Variants in TAF1A observed in about 807,000 individuals in gnomAD.
The protein encoded by TAF1A is TATA-box binding protein associated factor, RNA polymerase I subunit A, also known as TATA box-binding protein-associated factor RNA polymerase I subunit A.
A neutral mutation model predicts 61.6 loss-of-function variants in TAF1A; 42 were observed. That is an observed-to-expected ratio of 0.68 (90% CI 0.53 to 0.88). The LOEUF (loss-of-function observed/expected upper bound fraction) is 0.88. Among genes scored for constraint, TAF1A ranks in the 40% least tolerant of loss-of-function variants. The pLI is 0.00. For missense variants in TAF1A, 424 were observed against 518.7 expected, an observed-to-expected ratio of 0.82 and a Z score of 1.77; for synonymous variants, 179 against 177.7, an observed-to-expected ratio of 1.01 and a Z score of -0.06.
chr1:222,562,162 A>AT (rs1659940945), intron 9 of TAF1A, among the ~76,000 whole-genome samples: 1 of 152,180 alleles, frequency 6.6e-6, no homozygotes, highest in Admixed American at 6.6e-5. Context: ...TATTGTATAT[A>AT]TTTAAGGTAT....
At chr1:222,588,367 T>C in intron 2 of TAF1A, 76 bp downstream of exon 2, 10 of 1,516,528 alleles carry the variant, frequency 6.6e-6, no homozygotes, top group Non-Finnish European at 8.9e-6. Flanking sequence ...ACCAGTCTGG[T>C]TATTCATTTT....
downstream of TAF1A, among the ~76,000 whole-genome samples, chr1:222,554,978 A>C (rs1348416285): frequency 6.6e-6 from 1 of 152,228 alleles, no homozygotes; most frequent in Non-Finnish European, 1.5e-5. Flanking sequence ...TCCACTTTAA[A>C]ATGGGCAAAG....
intron 4 of TAF1A, among the ~76,000 whole-genome samples, chr1:222,578,886 C>A (rs1002844499): frequency 2.1e-4 from 32 of 152,302 alleles, no homozygotes; most frequent in Admixed American, 1.0e-3. Context: ...AATTATCACT[C>A]TCAGACTCTT....
rs1482931668 is a variant in TAF1A, at chr1:222,584,243, C to T, written c.176G>A (p.Ser59Asn). 25 of 1,612,140 alleles carry T rather than the reference C, an allele frequency of 1.6e-5. No individual in the cohort carries two copies. The highest frequency in any genetic ancestry group is 2.0e-5 in the Non-Finnish European group (24 of 1,179,530). The stretch of plus-strand genomic sequence containing the variant: ...CTTCAGCAGAGCTTCTTGGATAAAA[C>T]TTAAACAAGCACTTGTTGTCTGAGC... Reference protein sequence around the residue: ...DFAQTTSACLSFIQEALLKHQ... With the variant: ...DFAQTTSACLNFIQEALLKHQ... Residue 59 changes from serine (S) to asparagine (N), a missense_variant, in exon 3 of 11, where the codon AGT (serine) becomes AAT (asparagine). Transcript: ENST00000352967.
chr1:222,567,460 T>C (rs77613657), intron 7 of TAF1A, among the ~76,000 whole-genome samples: 3,246 of 152,330 alleles, frequency 0.021, 96 homozygotes, highest in African/African-American at 0.074. Flanking sequence ...ACATTTATTT[T>C]TGTATATATT....
chr1:222,585,737 T>G (rs943998029), intron 2 of TAF1A, among the ~76,000 whole-genome samples: 3 of 152,160 alleles, frequency 2.0e-5, no homozygotes, highest in Non-Finnish European at 4.4e-5. Context: ...AGTATAAATA[T>G]TGATACATAC....
At chr1:222,587,288 AG>A (rs1241675372) in intron 2 of TAF1A, among the ~76,000 whole-genome samples, 1 of 152,242 alleles carries the variant, frequency 6.6e-6, no homozygotes, top group Non-Finnish European at 1.5e-5. Context: ...AGTCGTTAAA[AG>A]TGTAAGCTTT....
intron 7 of TAF1A, among the ~76,000 whole-genome samples, chr1:222,566,515 G>A (rs1660123318): frequency 1.3e-5 from 2 of 152,164 alleles, no homozygotes; most frequent in Admixed American, 6.5e-5. Flanking sequence ...CCTGCAACTG[G>A]ATGATCCCAT....
At chr1:222,575,725 C>T (rs1660544926) in intron 5 of TAF1A, among the ~76,000 whole-genome samples, 1 of 152,066 alleles carries the variant, frequency 6.6e-6, no homozygotes, top group East Asian at 1.9e-4. Context: ...CTTTTTTTCT[C>T]GTTAAATAGA....
At chr1:222,580,665 T>A (rs1477698281) in intron 3 of TAF1A, among the ~76,000 whole-genome samples, 1 of 152,110 alleles carries the variant, frequency 6.6e-6, no homozygotes, top group Non-Finnish European at 1.5e-5. Context: ...ATATCAAGAT[T>A]TCATTTGTAG....
In TAF1A at chr1:222,563,103, T is replaced by C. The variant is rs530831142; in HGVS notation, c.1085+70A>G. Reference sequence around the variant, plus strand: ...AAACATAAGCAAAGATCTTTAAAAATTGATATTAGCTAAAATATTGGGAAA... The same window carrying C: ...AAACATAAGCAAAGATCTTTAAAAACTGATATTAGCTAAAATATTGGGAAA... On this transcript the variant is annotated intron_variant, in intron 9 of 10. Transcript: ENST00000352967. The C allele has an allele frequency of 5.0e-5, 68 of 1,368,836 alleles. 2 individuals carry two copies. In the African/African-American group the frequency reaches 5.7e-4, roughly 11 times the overall value. The allele number at this position is 1,368,836 out of a possible 1,614,324, so 84.8% of individuals were successfully genotyped here. A position where few individuals can be genotyped will look rare whatever the true frequency, so the allele number is the denominator to read the frequency against.
chr1:222,561,023 G>A (rs1388194504), intron 10 of TAF1A, among the ~76,000 whole-genome samples: 1 of 152,056 alleles, frequency 6.6e-6, no homozygotes, highest in East Asian at 1.9e-4. Flanking sequence ...AGAACAGTGA[G>A]GTCAATAAAG....
At chr1:222,561,588 TAACTA>T in intron 9 of TAF1A, 70 bp from the exon 10 acceptor site, 1 of 1,381,784 alleles carries the variant, frequency 7.2e-7, no homozygotes, top group Non-Finnish European at 9.7e-7. Context: ...AATTTAGACT[TAACTA>T]GAGTCTACAG....
downstream of TAF1A, among the ~76,000 whole-genome samples, chr1:222,556,501 T>C (rs564257603): frequency 2.6e-5 from 4 of 152,286 alleles, no homozygotes; most frequent in African/African-American, 4.8e-5. Flanking sequence ...AGTTACTTCA[T>C]CTCCAATGAC....
In TAF1A at chr1:222,570,644, T is replaced by C. The variant is rs760411116; in HGVS notation, c.626A>G (p.Asn209Ser). Residue 209 changes from asparagine to serine, a missense_variant, in exon 6 of 11, where the codon AAT becomes AGT. Physicochemically the swap from Asn to Ser is conservative, Grantham distance 46. Coordinates refer to ENST00000352967, the MANE Select transcript of TAF1A (RefSeq NM_005681.4). ...GTTGAACACATCCTGGGCTACTGCA[T>C]TGTAAGCATAATCATCCTTATCTGC... ...SKLDKDDYAYNAVAQDVFNHS... is the reference protein window; with the variant it reads ...SKLDKDDYAYSAVAQDVFNHS... 5 of 1,609,440 alleles carry C rather than the reference T, an allele frequency of 3.1e-6. No individual in the cohort carries two copies. Among genetic ancestry groups the C allele is most frequent in the Non-Finnish European group, 4.2e-6 (5 of 1,176,728 alleles).
At chr1:222,556,927 A>G (rs1370706903), downstream of TAF1A, among the ~76,000 whole-genome samples, 1 of 152,206 alleles carries the variant, frequency 6.6e-6, no homozygotes, top group Non-Finnish European at 1.5e-5. Flanking sequence ...ACACAACCGA[A>G]TTATGGACTC....
At chr1:222,586,689 C>G (rs757616330) in intron 2 of TAF1A, among the ~76,000 whole-genome samples, 3 of 152,212 alleles carry the variant, frequency 2.0e-5, no homozygotes, top group Non-Finnish European at 4.4e-5. Flanking sequence ...GTCCCAAGCA[C>G]TATCGCAGGT....
intron 10 of TAF1A, 45 bp from the exon 11 acceptor site, chr1:222,558,817 T>C: frequency 1.1e-6 from 1 of 928,952 alleles, no homozygotes; most frequent in Non-Finnish European, 1.6e-6. Context: ...TCATCACATT[T>C]TTCAAGTATA....
At chr1:222,582,436 A>G (rs1483877319) in intron 3 of TAF1A, among the ~76,000 whole-genome samples, 3 of 152,254 alleles carry the variant, frequency 2.0e-5, no homozygotes, top group Admixed American at 1.3e-4. Flanking sequence ...TCAGTAAGAC[A>G]GGACAATAAC....
Sources: allele counts gnomAD v4.1 joint callset (sites outside exome capture counted in the v4.1 genomes callset), GRCh38; gene constraint gnomAD v4.1.1; transcripts MANE v1.5; gene names NCBI Gene and HGNC (gene_info 2026-07-23, HGNC 2026-07-21).